The following KIAA1549L variants were observed in gnomAD, a reference collection of about 807,000 sequenced individuals.
KIAA1549L encodes the protein KIAA1549 like, also known as UPF0606 protein KIAA1549L.
KIAA1549L carries 88 observed loss-of-function variants against 160.7 expected under a neutral mutation model. The observed-to-expected ratio is 0.55, with a 90% confidence interval of 0.46 to 0.65. The LOEUF (loss-of-function observed/expected upper bound fraction) is 0.65, where lower values mean the gene tolerates loss of function less well. Ranked by LOEUF, KIAA1549L falls within the 30% of genes least tolerant of loss-of-function variation. The pLI, the probability that KIAA1549L is intolerant of heterozygous loss-of-function variation, is 0.00. For synonymous variants in KIAA1549L, 950 were observed against 976.7 expected, an observed-to-expected ratio of 0.97 and a Z score of 0.51; for missense variants, 2,258 against 2,437.5, an observed-to-expected ratio of 0.93 and a Z score of 1.55.
rs1429166721 is a variant in KIAA1549L, at chr11:33,542,404, C to T, written c.841C>T (p.Pro281Ser). 2 of 1,472,508 alleles carry T rather than the reference C, an allele frequency of 1.4e-6. No homozygotes were observed. The allele number at this position is 1,472,508 out of a possible 1,614,324, so 91.2% of individuals were successfully genotyped here. A position where few individuals can be genotyped will look rare whatever the true frequency, so the allele number is the denominator to read the frequency against. ...AGTTCCCCAAACAGCTCCAGCCGACCCCTCTTTAGGTCAGAACATAGCTAA... is the reference window on the plus strand; with the variant it reads ...AGTTCCCCAAACAGCTCCAGCCGACTCCTCTTTAGGTCAGAACATAGCTAA... ...LLVPQTAPADPSLGQNIANPL... is the reference protein window; with the variant it reads ...LLVPQTAPADSSLGQNIANPL... Residue 281 changes from proline to serine, a missense_variant, in exon 2 of 21, where the codon CCC becomes TCC. By Grantham distance (74) the Pro-to-Ser change is moderately conservative. This residue lies in a region of KIAA1549L where 540 missense variants were observed against 465.7 expected (regional missense o/e 1.16). Coordinates refer to ENST00000658780, the MANE Select transcript of KIAA1549L (RefSeq NM_012194.3).
rs1564944418 is a variant in KIAA1549L at position 33,656,068 on chromosome 11, A to C, written c.5817A>C (p.Val1939=). The C allele has an allele frequency of 6.2e-7, 1 of 1,613,274 alleles. No individual in the cohort carries two copies. The highest frequency in any genetic ancestry group is 8.5e-7 in the Non-Finnish European group (1 of 1,179,688). ...TCATGGGCTCACCGCCTCCACCCGT[A>C]CCTCCCCGGACTGGTCCTGTGGCTG... The part of the protein sequence containing the change: ...EMVMGSPPPP[V]PPRTGPVAVA... The change falls in exon 18 of 21, where the codon GTA becomes GTC. Residue 1939 remains valine (V), a synonymous_variant. Transcript: ENST00000658780.
intron 8 of KIAA1549L, among the ~76,000 whole-genome samples, chr11:33,567,137 A>G (rs901628385): frequency 1.1e-4 from 17 of 152,162 alleles, no homozygotes; most frequent in African/African-American, 4.1e-4. Flanking sequence ...CATGGCTGAA[A>G]CCATCATTCA....
At chr11:33,649,505 TAAAAAAA>T (rs34818689) in intron 17 of KIAA1549L, among the ~76,000 whole-genome samples, 2 of 124,798 alleles carry the variant, frequency 1.6e-5, no homozygotes, top group Admixed American at 8.2e-5. Context: ...GTCTCTATTG[TAAAAAAA>T]AAAAAAAAAA....
intron 6 of KIAA1549L, among the ~76,000 whole-genome samples, chr11:33,554,924 T>C (rs932889970): frequency 1.3e-5 from 2 of 152,114 alleles, no homozygotes; most frequent in Non-Finnish European, 2.9e-5. Context: ...AAGTAAGAGA[T>C]GAGGTTAGAG....
intron 1 of KIAA1549L, chr11:33,403,291 A>AGACACATG: frequency 4.0e-5 from 3 of 74,600 alleles, no homozygotes; most frequent in African/African-American, 1.6e-4. Context: ...AGACACACAC[A>AGACACATG]CACACACACG....
intron 6 of KIAA1549L, among the ~76,000 whole-genome samples, chr11:33,556,413 T>C (rs1278545353): frequency 6.6e-6 from 1 of 152,222 alleles, no homozygotes; most frequent in Non-Finnish European, 1.5e-5. Flanking sequence ...AACCCATGTG[T>C]CCATTAATGA....
At chr11:33,603,400 C>T (rs550234631) in intron 13 of KIAA1549L, among the ~76,000 whole-genome samples, 31 of 152,092 alleles carry the variant, frequency 2.0e-4, no homozygotes, top group African/African-American at 7.2e-4. Context: ...TAAGCTGCAA[C>T]TTGAAAAGCA....
intron 16 of KIAA1549L, among the ~76,000 whole-genome samples, chr11:33,625,590 A>G (rs1246474729): frequency 1.8e-3 from 270 of 152,068 alleles, no homozygotes; most frequent in Non-Finnish European, 3.1e-3. Flanking sequence ...TCCTTTGCCC[A>G]CTTTTTGATG....
chr11:33,663,976 C>T (rs1003417088), intron 20 of KIAA1549L, among the ~76,000 whole-genome samples: 5 of 152,188 alleles, frequency 3.3e-5, no homozygotes, highest in Non-Finnish European at 7.3e-5. Flanking sequence ...ATACGTACCC[C>T]ATGTCCTGGT....
chr11:33,649,937 A>G (rs1851838395), intron 17 of KIAA1549L, among the ~76,000 whole-genome samples: 1 of 152,126 alleles, frequency 6.6e-6, no homozygotes, highest in Middle Eastern at 3.4e-3. Context: ...AATCAATTTG[A>G]ATCTATTCTG....
intron 17 of KIAA1549L, among the ~76,000 whole-genome samples, chr11:33,648,483 G>A (rs1227243415): frequency 7.0e-6 from 1 of 143,586 alleles, no homozygotes; most frequent in Non-Finnish European, 1.5e-5. Flanking sequence ...CCATAGAAAA[G>A]GTGGCAATTT....
chr11:33,642,052 G>C (rs886319662), intron 16 of KIAA1549L, among the ~76,000 whole-genome samples: 1 of 152,096 alleles, frequency 6.6e-6, no homozygotes, highest in Non-Finnish European at 1.5e-5. Context: ...GTGGGGGAGG[G>C]AGGTGCAGGG....
chr11:33,479,343 G>A (rs544487338), intron 1 of KIAA1549L, among the ~76,000 whole-genome samples: 2 of 152,224 alleles, frequency 1.3e-5, no homozygotes, highest in African/African-American at 4.8e-5. Flanking sequence ...ATTGGCCAGC[G>A]TTAGGAAGAA....
At chr11:33,516,139 C>CTTTTTTTTTTT (rs927894187) in intron 1 of KIAA1549L, among the ~76,000 whole-genome samples, 1 of 43,300 alleles carries the variant, frequency 2.3e-5, no homozygotes, top group East Asian at 6.3e-4. Context: ...GGAGGTGATT[C>CTTTTTTTTTTT]TTTTTTTTTT....
At chr11:33,484,428 T>C (rs752855142) in intron 1 of KIAA1549L, among the ~76,000 whole-genome samples, 1 of 152,230 alleles carries the variant, frequency 6.6e-6, no homozygotes, top group African/African-American at 2.4e-5. Context: ...TTGTGGTCCA[T>C]GGTTTTGAGC....
At chr11:33,553,905 TAACA>T (rs1229322265) in intron 6 of KIAA1549L, among the ~76,000 whole-genome samples, 2 of 152,204 alleles carry the variant, frequency 1.3e-5, no homozygotes, top group Non-Finnish European at 2.9e-5. Context: ...ATAAATCAAG[TAACA>T]AACCTTCCTT....
At chr11:33,549,997 C>G (rs1270411867) in intron 4 of KIAA1549L, among the ~76,000 whole-genome samples, 2 of 150,068 alleles carry the variant, frequency 1.3e-5, no homozygotes, top group East Asian at 3.9e-4. Context: ...AGAGCAAGAC[C>G]CTGTCAAAAA....
chr11:33,621,941 A>C (rs1850969348), intron 16 of KIAA1549L, among the ~76,000 whole-genome samples: 1 of 152,360 alleles, frequency 6.6e-6, no homozygotes, highest in Non-Finnish European at 1.5e-5. Context: ...TTTGAAAATG[A>C]ATGAAGTAGG....
rs1277153110 is a variant in KIAA1549L, at chr11:33,542,152, C to T, written c.589C>T (p.Pro197Ser). Residue 197 changes from proline to serine, a missense_variant, in exon 2 of 21, where the codon CCT (proline) becomes TCT (serine). Coordinates refer to ENST00000658780, the MANE Select transcript of KIAA1549L (RefSeq NM_012194.3). The stretch of plus-strand genomic sequence containing the variant: ...AGAAGCAGCCGATGTGTCAGGTTTG[C>T]CTCTCACCAGCATGCTCCCCTCGTT... Reference protein sequence around the residue: ...GQEAADVSGLPLTSMLPSLST... With the variant: ...GQEAADVSGLSLTSMLPSLST... 1.7e-5 allele frequency: 10 copies of T among 583,140 alleles called. No individual in the cohort carries two copies. The highest frequency in any genetic ancestry group is 3.2e-5 in the Non-Finnish European group (10 of 308,154). The allele number at this position is 583,140 out of a possible 1,614,324, so 36.1% of individuals were successfully genotyped here. A position where few individuals can be genotyped will look rare whatever the true frequency, so the allele number is the denominator to read the frequency against.
Sources: gnomAD v4.1 joint callset for allele counts (sites outside exome capture counted in the v4.1 genomes callset) on GRCh38, gnomAD v4.1.1 for gene constraint, gnomAD v4.1.1 regional missense constraint, MANE v1.5 for transcripts, NCBI Gene and HGNC (gene_info 2026-07-23, HGNC 2026-07-21) for gene names.